SLC2A2: variants seen among roughly 807,000 people sequenced by gnomAD.
SLC2A2 encodes the protein solute carrier family 2 member 2.
In SLC2A2, 36 loss-of-function variants were observed where a neutral mutation model predicts 54.5. The observed-to-expected ratio is 0.66, with a 90% CI of 0.51 to 0.87. The LOEUF (loss-of-function observed/expected upper bound fraction) is 0.87, where lower values mean the gene tolerates loss of function less well. Among genes scored for constraint, SLC2A2 ranks in the 40% least tolerant of loss-of-function variants. The probability of loss-of-function intolerance (pLI) is 0.00; values close to 1 mark genes in which losing one functional copy is unlikely to be tolerated. For missense variants in SLC2A2, 543 were observed against 624.3 expected, an observed-to-expected ratio of 0.87 and a Z score of 1.39; for synonymous variants, 223 against 219.1, an observed-to-expected ratio of 1.02 and a Z score of -0.16.
intron 3 of SLC2A2, among the ~76,000 whole-genome samples, chr3:171,011,385 T>C (rs1027823686): frequency 1.3e-5 from 2 of 152,022 alleles, no homozygotes; most frequent in Non-Finnish European, 2.9e-5. Context: ...GATTAGAATG[T>C]TGTGCTTCAA....
At chr3:171,007,538 T>G (rs1268082554) in intron 4 of SLC2A2, 7 of 421,446 alleles carry the variant, frequency 1.7e-5, no homozygotes, top group Non-Finnish European at 2.2e-5. Context: ...AAATTCATGT[T>G]AATTTTTAGT....
At chr3:171,005,874 A>C in intron 6 of SLC2A2, 69 bp downstream of exon 6, 1 of 1,438,142 alleles carries the variant, frequency 7.0e-7, no homozygotes, top group Non-Finnish European at 9.8e-7. Flanking sequence ...TTCATGTGGA[A>C]AGCACTGTTT....
At chr3:171,005,148 T>G (rs2108242904) in intron 7 of SLC2A2, 137 bp downstream of exon 7, 1 of 751,946 alleles carries the variant, frequency 1.3e-6, no homozygotes, top group East Asian at 2.6e-5. Context: ...TAATGCTTAC[T>G]CAATGTACGT....
intron 3 of SLC2A2, 116 bp from the exon 4 acceptor site, chr3:171,010,198 G>C: frequency 5.6e-6 from 6 of 1,077,256 alleles, no homozygotes; most frequent in Admixed American, 1.8e-5. Context: ...TAATTTTGCT[G>C]TAAAAGCTAG....
chr3:171,009,816 A>T, intron 4 of SLC2A2, 142 bp downstream of exon 4: 1 of 1,187,296 alleles, frequency 8.4e-7, no homozygotes, highest in Non-Finnish European at 1.2e-6. Context: ...TTTCAACTTT[A>T]TGCTATTGCC....
intron 2 of SLC2A2, among the ~76,000 whole-genome samples, chr3:171,016,941 C>T (rs1716182449): frequency 1.3e-5 from 2 of 151,778 alleles, no homozygotes; most frequent in Admixed American, 6.6e-5. Context: ...CAACCTCTGC[C>T]TCCCGGGTTC....
rs7637863 is a variant in SLC2A2 at position 171,014,637 on chromosome 3, G to A, written c.203C>T (p.Pro68Leu). 4.8e-3 allele frequency: 7,677 copies of A among 1,613,978 alleles called. 21 individuals are homozygous for A. Among genetic ancestry groups the A allele is most frequent in the Non-Finnish European group, 5.8e-3 (6,824 of 1,179,956 alleles). The change falls in exon 3 of 11, where the codon CCC (proline) becomes CTC (leucine). Residue 68 changes from proline (P) to leucine (L), a missense_variant. This residue lies in a region of SLC2A2 where 318 missense variants were observed against 343.8 expected (regional missense o/e 0.93). Transcript: ENST00000314251. ...TGGGTTCATTGAGTATGAGATTGTG[G>A]GCAGTTCATCTGTACTGTTGATAAC... Reference protein sequence around the residue: ...NYVINSTDELPTISYSMNPKP... With the variant: ...NYVINSTDELLTISYSMNPKP...
chr3:171,016,929 C>T (rs1236581673), intron 2 of SLC2A2, among the ~76,000 whole-genome samples: 5 of 149,276 alleles, frequency 3.3e-5, no homozygotes, highest in African/African-American at 9.9e-5. Flanking sequence ...TGCAGCTCAT[C>T]GCAACCTCTG....
chr3:171,024,370 G>T (rs1486868039), intron 1 of SLC2A2, among the ~76,000 whole-genome samples: 3 of 152,124 alleles, frequency 2.0e-5, no homozygotes. Context: ...GGAAGCCAGG[G>T]ATCAGAGAGG....
At chr3:171,018,379 A>T (rs554489014) in intron 2 of SLC2A2, 152 bp downstream of exon 2, 5 of 693,396 alleles carry the variant, frequency 7.2e-6, no homozygotes, top group Non-Finnish European at 1.1e-5. Context: ...AGGCCAAGTT[A>T]TCAGCTTTGG....
chr3:171,020,972 A>G (rs1000616993), intron 1 of SLC2A2, among the ~76,000 whole-genome samples: 5 of 151,288 alleles, frequency 3.3e-5, no homozygotes, highest in African/African-American at 4.8e-5. Flanking sequence ...TACATATAAG[A>G]TATATTAACA....
chr3:171,002,577 G>T lies in SLC2A2; in HGVS notation c.1067C>A (p.Ser356Tyr). 1 of 1,589,714 alleles carries T rather than the reference G, an allele frequency of 6.3e-7. No homozygotes were observed. The highest frequency in any genetic ancestry group is 1.1e-5 in the South Asian group (1 of 90,260). ...TATTTATCTAGGGCATTGACTTACA[G>T]AGACAGCAGTGAAAACCATGTTTAC... Reference protein sequence around the residue: ...GAVNMVFTAVSVFLVEKAGRR... With the variant: ...GAVNMVFTAVYVFLVEKAGRR... The change falls in exon 8 of 11, where the codon TCT (serine) becomes TAT (tyrosine). Residue 356 changes from serine (S) to tyrosine (Y), a missense_variant and splice_region_variant. This residue lies in a region of SLC2A2 where 117 missense variants were observed against 179.2 expected (regional missense o/e 0.65). Transcript: ENST00000314251.
In SLC2A2 at chr3:170,998,028, C is replaced by A; in HGVS notation, c.1450G>T (p.Val484Phe). ...AAAGACTTTCCTTTGGTTTCTGGAA[C>A]TTTAAAAAATGTGAACAGGGTAAAG... Reference protein sequence around the residue: ...LAFTLFTFFKVPETKGKSFEE... With the variant: ...LAFTLFTFFKFPETKGKSFEE... The change falls in exon 11 of 11, where the codon GTT (valine) becomes TTT (phenylalanine). Residue 484 changes from valine to phenylalanine, a missense_variant. By Grantham distance (50) the Val-to-Phe change is conservative. Around this residue, in one of 3 missense-constraint regions of SLC2A2, gnomAD observed 108 missense variants for 101.3 expected, o/e 1.07. Coordinates refer to ENST00000314251, the MANE Select transcript of SLC2A2 (RefSeq NM_000340.2). 1 of 1,613,628 alleles carries A rather than the reference C, an allele frequency of 6.2e-7. No homozygotes were observed. Among genetic ancestry groups the A allele is most frequent in the Non-Finnish European group, 8.5e-7 (1 of 1,179,790 alleles).
At chr3:171,019,206 C>T (rs531588579) in intron 1 of SLC2A2, among the ~76,000 whole-genome samples, 5 of 147,302 alleles carry the variant, frequency 3.4e-5, no homozygotes, top group African/African-American at 7.5e-5. Context: ...TAGCTGCTGA[C>T]GGAAGGGAGC....
Position 171,014,504 on chromosome 3 carries a change from T to G in SLC2A2, c.336A>C (p.Ser112=), listed in dbSNP as rs1716034230. ...SSFAVGGMTA[S]FFGGWLGDTL... is the part of the protein sequence containing the mutation. ...TGTCCCCAAGCCACCCACCAAAGAA[T>G]GATGCAGTCATTCCACCAACTGCAA... The change falls in exon 3 of 11, where the codon TCA becomes TCC. Residue 112 remains serine, a synonymous_variant. Coordinates refer to ENST00000314251, the MANE Select transcript of SLC2A2 (RefSeq NM_000340.2). 6.2e-7 allele frequency: 1 copy of G among 1,614,074 alleles called. No homozygotes were observed. The highest frequency in any genetic ancestry group is 1.7e-5 in the Admixed American group (1 of 59,998).
intron 8 of SLC2A2, among the ~76,000 whole-genome samples, chr3:171,001,289 A>C (rs1164958408): frequency 2.6e-5 from 4 of 152,090 alleles, no homozygotes; most frequent in African/African-American, 9.7e-5. Flanking sequence ...AAGAATTTGT[A>C]AAAAATATTC....
intron 1 of SLC2A2, among the ~76,000 whole-genome samples, chr3:171,020,316 G>T (rs1261121472): frequency 6.6e-6 from 1 of 152,116 alleles, no homozygotes; most frequent in African/African-American, 2.4e-5. Flanking sequence ...GACCCTACTT[G>T]GAGAGCCTGT....
At chr3:171,011,564 A>T (rs1343054231) in intron 3 of SLC2A2, among the ~76,000 whole-genome samples, 1 of 152,214 alleles carries the variant, frequency 6.6e-6, no homozygotes, top group Admixed American at 6.6e-5. Flanking sequence ...CAAAACTATA[A>T]GAAAACATAT....
At position 171,007,215 on chromosome 3, in the gene SLC2A2, G is replaced by A; in HGVS notation, c.545C>T (p.Thr182Ile). ...AGTGCCAAGTGCTCCCCTGAGAGCG[G>A]TTGGAGCAATTTCACCGATATACAT... Reference protein sequence around the residue: ...VPMYIGEIAPTALRGALGTFH... With the variant: ...VPMYIGEIAPIALRGALGTFH... The change falls in exon 5 of 11, where the codon ACC (threonine) becomes ATC (isoleucine). Residue 182 changes from threonine to isoleucine, a missense_variant. By Grantham distance (89) the Thr-to-Ile change is moderately conservative. Coordinates refer to ENST00000314251, the MANE Select transcript of SLC2A2 (RefSeq NM_000340.2). The A allele has an allele frequency of 6.2e-7, 1 of 1,612,758 alleles. No individual in the cohort carries two copies. The highest frequency in any genetic ancestry group is 8.5e-7 in the Non-Finnish European group (1 of 1,179,118).
Sources: gnomAD v4.1 joint callset for allele counts (sites outside exome capture counted in the v4.1 genomes callset) on GRCh38, gnomAD v4.1.1 for gene constraint, gnomAD v4.1.1 regional missense constraint, MANE v1.5 for transcripts, NCBI Gene and HGNC (gene_info 2026-07-23, HGNC 2026-07-21) for gene names.